The following ITIH5 variants were observed in gnomAD, a reference collection of about 807,000 sequenced individuals.
The protein encoded by ITIH5 is inter-alpha-trypsin inhibitor heavy chain 5.
A neutral mutation model predicts 77.5 loss-of-function variants in ITIH5; 65 were observed. The ratio of observed to expected loss-of-function variants is 0.84; its 90% CI spans 0.69 to 1.03. ITIH5 has a LOEUF of 1.03. Among genes scored for constraint, ITIH5 ranks in the 50% least tolerant of loss-of-function variants. The probability of loss-of-function intolerance (pLI) is 0.00; values close to 1 mark genes in which losing one functional copy is unlikely to be tolerated. For missense variants in ITIH5, 1,208 were observed against 1,213.1 expected, an observed-to-expected ratio of 1.00 and a Z score of 0.06; for synonymous variants, 525 against 494.3, an observed-to-expected ratio of 1.06 and a Z score of -0.82.
chr10:7,635,821 C>T (rs753568154), intron 5 of ITIH5, among the ~76,000 whole-genome samples: 9 of 152,118 alleles, frequency 5.9e-5, no homozygotes, highest in Non-Finnish European at 1.2e-4. Flanking sequence ...GTCCAGGCAA[C>T]GCTCTCTCTC....
At position 7,563,292 on chromosome 10, in the gene ITIH5, C is replaced by G. The variant is rs747349397; in HGVS notation, c.2620G>C (p.Gly874Arg). The G allele has an allele frequency of 3.3e-5, 53 of 1,614,092 alleles. No homozygotes were observed. Among genetic ancestry groups the G allele is most frequent in the Admixed American group, 1.2e-4 (7 of 60,002 alleles). Residue 874 changes from glycine (G) to arginine (R), a missense_variant, in exon 14 of 14, where the codon GGG becomes CGG. Physicochemically the swap from Gly to Arg is moderately radical, Grantham distance 125. Transcript: ENST00000397146. Reference sequence around the variant, plus strand: ...TTCACTGTTAGGACGGCCTCAGGCCCCTCTCCCACCTGAAGGAGCAGAGGG... The same window carrying G: ...TTCACTGTTAGGACGGCCTCAGGCCGCTCTCCCACCTGAAGGAGCAGAGGG... ...THPLLLQVGE[G>R]PEAVLTVKGH...
At chr10:7,591,495 C>A (rs1832792821) in intron 7 of ITIH5, among the ~76,000 whole-genome samples, 1 of 152,180 alleles carries the variant, frequency 6.6e-6, no homozygotes, top group African/African-American at 2.4e-5. Flanking sequence ...CAGCTCCATC[C>A]CCGATGCTGC....
At chr10:7,628,532 A>C (rs1833624592) in intron 5 of ITIH5, among the ~76,000 whole-genome samples, 2 of 148,378 alleles carry the variant, frequency 1.3e-5, no homozygotes, top group African/African-American at 4.9e-5. Flanking sequence ...GCATTGTGGC[A>C]TGTGTCCATG....
intron 13 of ITIH5, 152 bp from the exon 14 acceptor site, chr10:7,563,536 G>C: frequency 1.5e-6 from 1 of 686,660 alleles, no homozygotes. Flanking sequence ...ATGTGCTCTG[G>C]GGGGCAGGGT....
intron 1 of ITIH5, among the ~76,000 whole-genome samples, chr10:7,657,393 G>A (rs1834206070): frequency 5.9e-5 from 9 of 151,800 alleles, no homozygotes; most frequent in Admixed American, 5.3e-4. Context: ...CAAAGTGGCT[G>A]TAACATTCTG....
chr10:7,595,206 G>A (rs74576264), intron 7 of ITIH5, among the ~76,000 whole-genome samples: 4,887 of 152,158 alleles, frequency 0.032, 258 homozygotes, highest in African/African-American at 0.11. Flanking sequence ...GCAACGGAGC[G>A]AGACCCTAGC....
At chr10:7,565,792 T>G (rs1832139951) in intron 13 of ITIH5, among the ~76,000 whole-genome samples, 1 of 149,126 alleles carries the variant, frequency 6.7e-6, no homozygotes, top group Non-Finnish European at 1.5e-5. Context: ...AGACTATATA[T>G]AATACATATA....
chr10:7,564,878 A>G (rs2130935074), intron 13 of ITIH5, among the ~76,000 whole-genome samples: 1 of 143,952 alleles, frequency 6.9e-6, no homozygotes, highest in East Asian at 2.0e-4. Flanking sequence ...CTGTATATGT[A>G]TACACACACA....
At chr10:7,591,156 A>C (rs552265965) in intron 7 of ITIH5, among the ~76,000 whole-genome samples, 4 of 152,254 alleles carry the variant, frequency 2.6e-5, no homozygotes, top group Admixed American at 2.6e-4. Flanking sequence ...CAGCCTCCCA[A>C]AGTGCTGGGA....
intron 7 of ITIH5, among the ~76,000 whole-genome samples, chr10:7,608,457 C>A (rs2131020231): frequency 6.6e-6 from 1 of 152,012 alleles, no homozygotes; most frequent in Middle Eastern, 3.4e-3. Context: ...TTTTGTTTAT[C>A]TTTTTGGTAC....
chr10:7,640,895 C>A (rs1833875154), intron 3 of ITIH5, 40 bp from the exon 4 acceptor site: 1 of 1,347,716 alleles, frequency 7.4e-7, no homozygotes, highest in South Asian at 1.2e-5. Context: ...GCTTGCAGTT[C>A]CAAGACAAAT....
intron 2 of ITIH5, among the ~76,000 whole-genome samples, chr10:7,645,579 A>G (rs958241451): frequency 3.3e-5 from 5 of 152,342 alleles, no homozygotes; most frequent in Non-Finnish European, 5.9e-5. Context: ...AAAGGGCTTG[A>G]ATAAATCACC....
At chr10:7,638,829 T>G (rs917630176) in intron 4 of ITIH5, among the ~76,000 whole-genome samples, 1 of 152,222 alleles carries the variant, frequency 6.6e-6, no homozygotes, top group Non-Finnish European at 1.5e-5. Flanking sequence ...TCAGAATGTC[T>G]CCCAATCAGT....
chr10:7,637,575 C>A, intron 4 of ITIH5, 97 bp from the exon 5 acceptor site: 12 of 1,247,264 alleles, frequency 9.6e-6, no homozygotes, highest in Non-Finnish European at 1.3e-5. Context: ...CCCTCTCAAC[C>A]AGCCTGCCAG....
At chr10:7,604,235 A>G (rs1190771963) in intron 7 of ITIH5, among the ~76,000 whole-genome samples, 1 of 152,142 alleles carries the variant, frequency 6.6e-6, no homozygotes, top group Non-Finnish European at 1.5e-5. Context: ...GAGTTGGGCA[A>G]CCTTCTATGT....
At chr10:7,645,758 G>A (rs896264688) in intron 2 of ITIH5, among the ~76,000 whole-genome samples, 1 of 152,042 alleles carries the variant, frequency 6.6e-6, no homozygotes, top group African/African-American at 2.4e-5. Context: ...CCTCCAAAGC[G>A]ATTAGGATTA....
At chr10:7,624,839 ATATACACATATATATGTG>A (rs1588408880) in intron 5 of ITIH5, among the ~76,000 whole-genome samples, 2 of 135,896 alleles carry the variant, frequency 1.5e-5, no homozygotes, top group Admixed American at 7.5e-5. Flanking sequence ...ATATACATGT[ATATACACATATATATGTG>A]TATATATGTA....
intron 7 of ITIH5, among the ~76,000 whole-genome samples, chr10:7,613,771 T>C (rs1014787632): frequency 5.9e-5 from 9 of 152,202 alleles, no homozygotes; most frequent in South Asian, 2.1e-4. Context: ...AAGAGACACC[T>C]GAGAGGCCGC....
intron 1 of ITIH5, 103 bp downstream of exon 1, chr10:7,666,700 T>C (rs1156846280): frequency 2.0e-5 from 17 of 857,480 alleles, no homozygotes; most frequent in Non-Finnish European, 2.9e-5. Flanking sequence ...GGTGGGGGCC[T>C]GGGAGACGGT....
Sources: allele counts gnomAD v4.1 joint callset (sites outside exome capture counted in the v4.1 genomes callset), GRCh38; gene constraint gnomAD v4.1.1; transcripts MANE v1.5; gene names NCBI Gene and HGNC (gene_info 2026-07-23, HGNC 2026-07-21).